Variants in SPG7 observed in about 807,000 individuals in gnomAD.
SPG7 encodes mitochondrial inner membrane m-AAA protease component paraplegin.
Under a neutral mutation model 81.9 loss-of-function variants are expected in SPG7, and 103 were observed. The observed-to-expected ratio is 1.26, with a 90% CI of 1.07 to 1.48. SPG7 has a LOEUF of 1.48. SPG7 is among the 40% of genes most tolerant of loss of function. The pLI is 0.00. For missense variants in SPG7, 1,241 were observed against 1,087.3 expected (o/e 1.14, Z -1.99); for synonymous variants, 534 against 444.2 (o/e 1.20, Z -2.54).
chr16:89,550,537 A>C lies in SPG7; in HGVS notation c.1707A>C (p.Lys569Asn). The C allele has an allele frequency of 6.2e-7, 1 of 1,614,048 alleles. No homozygotes were observed. The highest frequency in any genetic ancestry group is 8.5e-7 in the Non-Finnish European group (1 of 1,180,000). The change falls in exon 13 of 17, where the codon AAA becomes AAC. Residue 569 changes from lysine (K) to asparagine (N), a missense_variant. Transcript: ENST00000645818. ...AGATCCTGTCCAAGGAAGAACAGAAAGTGGTTGCGTTTCATGAGTCGGGCC... is the reference window on the plus strand; with the variant it reads ...AGATCCTGTCCAAGGAAGAACAGAACGTGGTTGCGTTTCATGAGTCGGGCC... Reference protein sequence around the residue: ...KSKILSKEEQKVVAFHESGHA... With the variant: ...KSKILSKEEQNVVAFHESGHA...
At chr16:89,527,921 C>T (rs1003043970) in intron 5 of SPG7, among the ~76,000 whole-genome samples, 3 of 151,542 alleles carry the variant, frequency 2.0e-5, no homozygotes. Context: ...CATGGAGAAC[C>T]CCATCTCTAC....
At chr16:89,518,263 A>G (rs2058129419) in intron 3 of SPG7, 1 of 152,246 alleles carries the variant, frequency 6.6e-6, no homozygotes, top group South Asian at 2.1e-4. Context: ...TGGCTTAGAA[A>G]CAGCTTTGCC....
chr16:89,539,359 T>A (rs1386072639), intron 9 of SPG7: 1 of 151,854 alleles, frequency 6.6e-6, no homozygotes, highest in Non-Finnish European at 1.5e-5. Flanking sequence ...ATTAGCCGGG[T>A]GTGGTGGCGT....
chr16:89,523,443 A>C (rs1350436072), intron 3 of SPG7: 1 of 337,688 alleles, frequency 3.0e-6, no homozygotes, highest in Non-Finnish European at 5.8e-6. Context: ...TATTTGTTTT[A>C]ATCGTTTTTA....
chr16:89,531,304 A>C, intron 7 of SPG7: 1 of 246,838 alleles, frequency 4.1e-6, no homozygotes, highest in Non-Finnish European at 8.1e-6. Flanking sequence ...CAGGGGAGTG[A>C]CTGAGCCCAG....
rs767491651 is a variant in SPG7, at chr16:89,536,953, G to T, written c.1324+4317G>T. 3.1e-6 allele frequency: 5 copies of T among 1,614,154 alleles called. No individual in the cohort carries two copies. The South Asian group carries it at 4.4e-5, about 14-fold the overall frequency. ...TTGAGTGACTTGAGCCCAAAGGCAA[G>T]CGTATATCAAACGATCTTCTCCACA... On this transcript the variant is annotated intron_variant, in intron 9 of 16. Coordinates refer to ENST00000645818, the MANE Select transcript of SPG7 (RefSeq NM_003119.4).
At chr16:89,536,703 G>A in intron 9 of SPG7, 6 of 1,601,150 alleles carry the variant, frequency 3.7e-6, no homozygotes, top group Non-Finnish European at 5.1e-6. Context: ...CGCTGCTCTG[G>A]CTGTGTGGCG....
chr16:89,511,299 A>G (rs940919132), intron 2 of SPG7, among the ~76,000 whole-genome samples: 2 of 152,212 alleles, frequency 1.3e-5, no homozygotes, highest in African/African-American at 2.4e-5. Context: ...TACCCTGCAA[A>G]TAATTTGCTC....
In SPG7 at chr16:89,512,958, C is replaced by G. The variant is rs1053348858; in HGVS notation, c.297C>G (p.Phe99Leu). Reference sequence around the variant, plus strand: ...CTCTATTTCTCATAGGTGGTACTTTCTATTTTAACACCTCAAGGTTGAAGC... The same window carrying G: ...CTCTATTTCTCATAGGTGGTACTTTGTATTTTAACACCTCAAGGTTGAAGC... Reference protein sequence around the residue: ...VRLWQLLGGTFYFNTSRLKQK... With the variant: ...VRLWQLLGGTLYFNTSRLKQK... The change falls in exon 3 of 17, where the codon TTC becomes TTG. Residue 99 changes from phenylalanine (F) to leucine (L), a missense_variant. Coordinates refer to ENST00000645818, the MANE Select transcript of SPG7 (RefSeq NM_003119.4). 5.0e-6 allele frequency: 8 copies of G among 1,613,244 alleles called. No individual in the cohort carries two copies. The highest frequency in any genetic ancestry group is 2.7e-5 in the African/African-American group (2 of 74,888).
At chr16:89,550,372 C>G in intron 12 of SPG7, 122 bp from the exon 13 acceptor site, 1 of 755,154 alleles carries the variant, frequency 1.3e-6, no homozygotes, top group Non-Finnish European at 2.4e-6. Flanking sequence ...GGGGTTTCAC[C>G]ATATTGGTCG....
chr16:89,548,520 G>A (rs186468567), intron 12 of SPG7: 304 of 306,226 alleles, frequency 9.9e-4, no homozygotes, highest in African/African-American at 6.3e-3. Context: ...GCCCGTGGCT[G>A]TGGAGGGACA....
chr16:89,510,678 G>C, intron 2 of SPG7, 86 bp downstream of exon 2: 2 of 847,794 alleles, frequency 2.4e-6, no homozygotes, highest in East Asian at 2.5e-5. Context: ...TTTTATTTTA[G>C]AGACGGGATC....
intron 14 of SPG7, 108 bp downstream of exon 14, chr16:89,553,243 G>A (rs1369224511): frequency 3.6e-6 from 4 of 1,121,022 alleles, no homozygotes; most frequent in Admixed American, 2.0e-5. Context: ...ACGTAGCTTT[G>A]AATTTATTAA....
At position 89,512,949 on chromosome 16, in the gene SPG7, T is replaced by C; in HGVS notation, c.288T>C (p.Gly96=). Residue 96 remains glycine (G), a splice_region_variant and synonymous_variant, in exon 3 of 17, where the codon GGT becomes GGC. Transcript: ENST00000645818. ...QNPVRLWQLL[G]GTFYFNTSRL... ...AAATCCTTTCTCTATTTCTCATAGG[T>C]GGTACTTTCTATTTTAACACCTCAA... 5 of 1,613,202 alleles carry C rather than the reference T, an allele frequency of 3.1e-6. No individual in the cohort carries two copies. The highest frequency in any genetic ancestry group is 4.2e-6 in the Non-Finnish European group (5 of 1,179,372).
At chr16:89,516,353 C>G (rs924530671) in intron 3 of SPG7, among the ~76,000 whole-genome samples, 1 of 151,170 alleles carries the variant, frequency 6.6e-6, no homozygotes, top group Non-Finnish European at 1.5e-5. Flanking sequence ...ACCAGCCTGG[C>G]TAACATGGTG....
intron 3 of SPG7, chr16:89,523,633 GCA>G (rs2058220536): frequency 2.2e-6 from 1 of 457,722 alleles, no homozygotes; most frequent in African/African-American, 2.0e-5. Flanking sequence ...CCAGGCTGGA[GCA>G]CAGTGGCGCG....
intron 10 of SPG7, chr16:89,545,033 T>C: frequency 1.9e-6 from 1 of 536,850 alleles, no homozygotes. Context: ...CTGCTCGGGG[T>C]TTTGCAGTTC....
intron 6 of SPG7, chr16:89,530,079 TCCTCCCGCCTCAG>T (rs1438289781): frequency 3.7e-6 from 1 of 269,558 alleles, no homozygotes; most frequent in Non-Finnish European, 7.2e-6. Flanking sequence ...CCTCAGGTGA[TCCTCCCGCCTCAG>T]CCTCCCAAAG....
chr16:89,513,145 G>A (rs2058044929), intron 3 of SPG7, 108 bp downstream of exon 3: 11 of 1,476,384 alleles, frequency 7.5e-6, no homozygotes, highest in Admixed American at 2.0e-5. Context: ...GAGATGGGCC[G>A]GGTGCAGTGG....
Sources: gnomAD v4.1 joint callset for allele counts (sites outside exome capture counted in the v4.1 genomes callset) on GRCh38, gnomAD v4.1.1 for gene constraint, MANE v1.5 for transcripts, NCBI Gene and HGNC (gene_info 2026-07-23, HGNC 2026-07-21) for gene names.